PNKD: variants seen among roughly 807,000 people sequenced by gnomAD.
The protein encoded by PNKD is PNKD metallo-beta-lactamase domain containing.
Under a neutral mutation model 45.3 loss-of-function variants are expected in PNKD, and 36 were observed. The observed-to-expected ratio is 0.80, with a 90% CI of 0.61 to 1.05. The LOEUF is 1.05. Ranked by LOEUF, PNKD falls within the 50% of genes least tolerant of loss-of-function variation. The probability of loss-of-function intolerance (pLI) is 0.00; values close to 1 mark genes in which losing one functional copy is unlikely to be tolerated. For synonymous variants in PNKD, 197 were observed against 210.1 expected (o/e 0.94, Z 0.54); for missense variants, 511 against 506.6 (o/e 1.01, Z -0.08).
chr2:218,282,746 C>G (rs917033523), intron 2 of PNKD, among the ~76,000 whole-genome samples: 1 of 152,130 alleles, frequency 6.6e-6, no homozygotes. Flanking sequence ...TGCCAGGCCC[C>G]GAGGAGGAAG....
At chr2:218,342,407 A>T (rs372342981) in intron 7 of PNKD, among the ~76,000 whole-genome samples, 29 of 152,152 alleles carry the variant, frequency 1.9e-4, no homozygotes, top group Non-Finnish European at 3.5e-4. Context: ...CTACAAAAAA[A>T]TTTTAAAATA....
At position 218,339,810 on chromosome 2, in the gene PNKD, C is replaced by G. The variant is rs138241166; in HGVS notation, c.264C>G (p.Leu88=). 2.5e-6 allele frequency: 4 copies of G among 1,613,738 alleles called. No homozygotes were observed. The highest frequency in any genetic ancestry group is 1.1e-5 in the South Asian group (1 of 91,048). The change falls in exon 3 of 10, where the codon CTC becomes CTG. Residue 88 remains leucine, a synonymous_variant. Coordinates refer to ENST00000273077, the MANE Select transcript of PNKD (RefSeq NM_015488.5). ...ACAGCCTGTACACCCGCACCTGGCTCGGGTACCTCTTCTACCGACAGCAGC... is the reference window on the plus strand; with the variant it reads ...ACAGCCTGTACACCCGCACCTGGCTGGGGTACCTCTTCTACCGACAGCAGC... ...AWYSLYTRTW[L]GYLFYRQQLR...
At chr2:218,301,962 C>A (rs1418749946) in intron 2 of PNKD, among the ~76,000 whole-genome samples, 1 of 152,160 alleles carries the variant, frequency 6.6e-6, no homozygotes, top group Non-Finnish European at 1.5e-5. Flanking sequence ...GTAGGGAAGG[C>A]AGGACAGATA....
intron 2 of PNKD, among the ~76,000 whole-genome samples, chr2:218,272,271 G>A (rs1690870376): frequency 6.6e-6 from 1 of 152,220 alleles, no homozygotes; most frequent in African/African-American, 2.4e-5. Flanking sequence ...TGCAGGGCTC[G>A]TGCTGAGGAT....
intron 2 of PNKD, among the ~76,000 whole-genome samples, 179 bp from the exon 3 acceptor site, chr2:218,339,604 T>C (rs981883943): frequency 6.6e-6 from 1 of 152,126 alleles, no homozygotes; most frequent in Admixed American, 6.6e-5. Flanking sequence ...CGTCTCATTC[T>C]CCATCTTGTC....
rs916250765 is a variant in PNKD, at chr2:218,346,397, A to T, written c.*1416A>T. On this transcript the variant is annotated 3_prime_UTR_variant, in exon 10 of 10. Transcript: ENST00000273077. ...TACACTTTAGCAATACCACCAGACT[A>T]GTTAGAGTTCCCCACTCACCAAGCA... 6.5e-6 allele frequency: 1 copy of T among 153,352 alleles called. No individual in the cohort carries two copies. Among genetic ancestry groups the T allele is most frequent in the African/African-American group, 2.4e-5 (1 of 41,426 alleles). 9.5% of individuals were successfully genotyped at this position (153,352 alleles called of 1,614,324 possible).
At chr2:218,338,926 G>A (rs1358935520) in intron 2 of PNKD, among the ~76,000 whole-genome samples, 1 of 151,470 alleles carries the variant, frequency 6.6e-6, no homozygotes, top group Admixed American at 6.6e-5. Context: ...CTGAGTAGCT[G>A]GGACCACAGG....
At chr2:218,344,677 C>T (rs1284491862) in intron 9 of PNKD, 107 bp downstream of exon 9, 1 of 1,370,750 alleles carries the variant, frequency 7.3e-7, no homozygotes, top group African/African-American at 1.4e-5. Context: ...AAAACTCTGA[C>T]CTCTTTGGCC....
At chr2:218,334,382 C>G (rs1694426453) in intron 2 of PNKD, among the ~76,000 whole-genome samples, 1 of 152,120 alleles carries the variant, frequency 6.6e-6, no homozygotes, top group Admixed American at 6.6e-5. Context: ...TCCTGGTCTC[C>G]TCCAGTCTGG....
intron 2 of PNKD, among the ~76,000 whole-genome samples, chr2:218,319,869 G>A (rs1456012160): frequency 2.0e-5 from 3 of 152,234 alleles, no homozygotes; most frequent in Non-Finnish European, 4.4e-5. Context: ...CAAGATACAG[G>A]TTATTTCCAC....
chr2:218,317,501 G>A (rs928353304), intron 2 of PNKD, among the ~76,000 whole-genome samples: 1 of 152,246 alleles, frequency 6.6e-6, no homozygotes, highest in Non-Finnish European at 1.5e-5. Context: ...GTGGAAAGAA[G>A]TTTGTACATG....
At chr2:218,312,597 G>T (rs1205519576) in intron 2 of PNKD, among the ~76,000 whole-genome samples, 1 of 152,068 alleles carries the variant, frequency 6.6e-6, no homozygotes. Context: ...CCTGGGCCGG[G>T]AGGGATGGCT....
At chr2:218,273,270 TTTTTG>T (rs781377543) in intron 2 of PNKD, among the ~76,000 whole-genome samples, 27 of 116,358 alleles carry the variant, frequency 2.3e-4, no homozygotes, top group Non-Finnish European at 3.6e-4. Flanking sequence ...TTTGTTTTGT[TTTTTG>T]TTTTTTGTTT....
At chr2:218,336,291 A>G (rs1160723114) in intron 2 of PNKD, among the ~76,000 whole-genome samples, 5 of 151,444 alleles carry the variant, frequency 3.3e-5, no homozygotes, top group Non-Finnish European at 5.9e-5. Context: ...TACAATCTCT[A>G]TTTTGACCTG....
At chr2:218,331,226 C>A (rs1694307977) in intron 2 of PNKD, among the ~76,000 whole-genome samples, 2 of 151,956 alleles carry the variant, frequency 1.3e-5, no homozygotes, top group South Asian at 4.1e-4. Flanking sequence ...ACCAGCCTGG[C>A]CAACATAGTG....
At chr2:218,270,944 T>G (rs917291000) in intron 1 of PNKD, 6 of 338,130 alleles carry the variant, frequency 1.8e-5, no homozygotes, top group Non-Finnish European at 3.2e-5. Context: ...AGTTTGACCT[T>G]GGGCAAAGCA....
intron 2 of PNKD, chr2:218,277,799 G>A (rs1330631221): frequency 6.5e-7 from 1 of 1,543,226 alleles, no homozygotes; most frequent in African/African-American, 1.4e-5. Context: ...CAGCCACAGA[G>A]GAGATCAGAA....
Position 218,270,541 on chromosome 2 carries a change from G to A in PNKD, c.6G>A (p.Ala2=). The A allele has an allele frequency of 1.6e-6, 2 of 1,239,304 alleles. No homozygotes were observed. The highest frequency in any genetic ancestry group is 2.1e-6 in the Non-Finnish European group (2 of 957,720). The allele number at this position is 1,239,304 out of a possible 1,614,324, so 76.8% of individuals were successfully genotyped here. A position where few individuals can be genotyped will look rare whatever the true frequency, so the allele number is the denominator to read the frequency against. Residue 2 remains alanine, a synonymous_variant, in exon 1 of 10, where the codon GCG becomes GCA. Coordinates refer to ENST00000273077, the MANE Select transcript of PNKD (RefSeq NM_015488.5). M[A]AVVAATALKG... ...AGCGGGGGTGGGATCTGAACATGGC[G>A]GCGGTGGTAGCTGCTACGGCGCTGA...
intron 2 of PNKD, chr2:218,280,878 C>T (rs1456531598): frequency 7.7e-6 from 1 of 129,246 alleles, no homozygotes; most frequent in African/African-American, 3.1e-5. Context: ...AAGGCGTGAT[C>T]TCGGCTCACC....
Sources: gnomAD v4.1 joint callset for allele counts (sites outside exome capture counted in the v4.1 genomes callset) on GRCh38, gnomAD v4.1.1 for gene constraint, MANE v1.5 for transcripts, NCBI Gene and HGNC (gene_info 2026-07-23, HGNC 2026-07-21) for gene names.